CNTNAP5: variants seen among roughly 807,000 people sequenced by gnomAD.
The protein encoded by CNTNAP5 is contactin-associated protein-like 5.
Under a neutral mutation model 150.2 loss-of-function variants are expected in CNTNAP5, and 72 were observed. That is an observed-to-expected ratio of 0.48 (90% confidence interval 0.40 to 0.58). The LOEUF (loss-of-function observed/expected upper bound fraction) is 0.58. CNTNAP5 is among the 20% of genes least tolerant of loss of function. CNTNAP5 has a pLI of 0.00. For synonymous variants in CNTNAP5, 672 were observed against 619.8 expected (o/e 1.08, Z -1.25); for missense variants, 1,636 against 1,626.2 (o/e 1.01, Z -0.10).
At chr2:124,395,279 G>A (rs1159050764) in intron 3 of CNTNAP5, among the ~76,000 whole-genome samples, 3 of 152,100 alleles carry the variant, frequency 2.0e-5, no homozygotes, top group Non-Finnish European at 2.9e-5. Flanking sequence ...CAGAAAGCAT[G>A]CCTCCCAAGA....
At chr2:124,439,672 C>T (rs1692627068) in intron 5 of CNTNAP5, among the ~76,000 whole-genome samples, 1 of 152,112 alleles carries the variant, frequency 6.6e-6, no homozygotes, top group South Asian at 2.1e-4. Context: ...AATCACATTG[C>T]TTCCTGTCCG....
chr2:124,307,669 G>T (rs916805582), intron 3 of CNTNAP5, among the ~76,000 whole-genome samples: 16 of 152,168 alleles, frequency 1.1e-4, no homozygotes, highest in African/African-American at 3.4e-4. Flanking sequence ...CTTGCTTTGG[G>T]GGCTGAAATG....
chr2:124,760,156 G>A (rs1680928207), intron 14 of CNTNAP5, among the ~76,000 whole-genome samples: 1 of 151,740 alleles, frequency 6.6e-6, no homozygotes, highest in South Asian at 2.1e-4. Flanking sequence ...CAGGAGAAGG[G>A]GGTGTGGGGT....
intron 21 of CNTNAP5, among the ~76,000 whole-genome samples, chr2:124,893,974 A>G (rs1439008478): frequency 6.6e-6 from 1 of 152,118 alleles, no homozygotes; most frequent in African/African-American, 2.4e-5. Context: ...GTTAGATATA[A>G]CTCATCAAAA....
At chr2:124,705,165 C>T (rs1013156818) in intron 13 of CNTNAP5, among the ~76,000 whole-genome samples, 1 of 152,146 alleles carries the variant, frequency 6.6e-6, no homozygotes, top group Admixed American at 6.5e-5. Flanking sequence ...TGTACAAGCA[C>T]ATGTGTCTGT....
At position 124,106,829 on chromosome 2, in the gene CNTNAP5, C is replaced by T. The variant is rs1002618358; in HGVS notation, c.82+81097C>T. Among the ~76,000 whole-genome samples the T allele has an allele frequency of 5.3e-5, 8 of 152,174 alleles. No individual in the cohort carries two copies. The East Asian group carries it at 5.8e-4, about 11-fold the overall frequency. ...GGCTGGCACTTGAAGCTGGAGCCAT[C>T]GTATGGGACTGAGTCCTTAACCTGT... On this transcript the variant is annotated intron_variant, in intron 1 of 23. Transcript: ENST00000682447.
At chr2:124,511,811 G>A (rs990387084) in intron 8 of CNTNAP5, among the ~76,000 whole-genome samples, 8 of 152,102 alleles carry the variant, frequency 5.3e-5, no homozygotes, top group East Asian at 1.9e-4. Context: ...AGTAAACTTA[G>A]CCTATTTGAT....
At chr2:124,367,893 C>A (rs1025288848) in intron 3 of CNTNAP5, among the ~76,000 whole-genome samples, 8 of 151,970 alleles carry the variant, frequency 5.3e-5, no homozygotes, top group African/African-American at 1.9e-4. Flanking sequence ...TCTGAATGTA[C>A]TTGCTGTTCA....
chr2:124,607,458 C>A (rs1304847962), intron 11 of CNTNAP5, among the ~76,000 whole-genome samples: 2 of 152,094 alleles, frequency 1.3e-5, no homozygotes, highest in African/African-American at 2.4e-5. Context: ...ATAATCTAAT[C>A]TTGGAAATGG....
intron 3 of CNTNAP5, among the ~76,000 whole-genome samples, chr2:124,248,092 G>A (rs1687075746): frequency 6.6e-6 from 1 of 152,172 alleles, no homozygotes; most frequent in Admixed American, 6.6e-5. Flanking sequence ...TTATTACAAT[G>A]TCACAGACTA....
chr2:124,710,069 T>A lies in CNTNAP5; in HGVS notation c.2078-37160T>A, dbSNP rs185022459. Among the ~76,000 whole-genome samples the A allele has an allele frequency of 3.2e-4, 48 of 152,192 alleles. 1 individual carries two copies. The East Asian group carries it at 7.0e-3, about 22-fold the overall frequency. On this transcript the variant is annotated intron_variant, in intron 13 of 23. Transcript: ENST00000682447. ...CCATCTGTAGTGACTGAGTAGATGG[T>A]CATCGAAGCTGGAATTCAGAGTTTG... is the stretch of plus-strand genomic sequence containing the variant.
At chr2:124,431,555 A>G (rs1692383688) in intron 4 of CNTNAP5, among the ~76,000 whole-genome samples, 1 of 144,722 alleles carries the variant, frequency 6.9e-6, no homozygotes, top group South Asian at 2.1e-4. Context: ...AATATTATAT[A>G]TAATTTCTTT....
At chr2:124,588,209 TTTCTTTCTTTC>T (rs1696596997) in intron 11 of CNTNAP5, among the ~76,000 whole-genome samples, 1 of 148,028 alleles carries the variant, frequency 6.8e-6, no homozygotes, top group South Asian at 2.2e-4. Context: ...TCTTTCTTTC[TTTCTTTCTTTC>T]TTTCTTTCTT....
At chr2:124,026,409 T>C (rs544746269) in intron 1 of CNTNAP5, among the ~76,000 whole-genome samples, 1 of 152,338 alleles carries the variant, frequency 6.6e-6, no homozygotes, top group Admixed American at 6.5e-5. Flanking sequence ...GCACTAAGTG[T>C]ACACTCTGTC....
chr2:124,876,475 G>A (rs143149302), intron 21 of CNTNAP5, among the ~76,000 whole-genome samples: 1,832 of 151,842 alleles, frequency 0.012, 18 homozygotes, highest in Middle Eastern at 0.02. Flanking sequence ...GGAGAGAAGA[G>A]GGTGCAGTTA....
intron 13 of CNTNAP5, among the ~76,000 whole-genome samples, chr2:124,660,044 AAGGAAGG>A (rs1678552294): frequency 5.3e-5 from 2 of 37,426 alleles, no homozygotes; most frequent in Admixed American, 7.8e-4. Flanking sequence ...GGAAGGAAGA[AAGGAAGG>A]AAGGAAGGAA....
intron 1 of CNTNAP5, among the ~76,000 whole-genome samples, chr2:124,086,547 AC>A (rs1464625641): frequency 6.6e-6 from 1 of 151,066 alleles, no homozygotes; most frequent in Admixed American, 6.6e-5. Flanking sequence ...TGGTGTATTG[AC>A]CCTTTTATCA....
intron 22 of CNTNAP5, among the ~76,000 whole-genome samples, chr2:124,906,784 A>C (rs1244200337): frequency 6.6e-6 from 1 of 152,110 alleles, no homozygotes; most frequent in Admixed American, 6.6e-5. Flanking sequence ...CCAGCAATGT[A>C]TTGCCCACTC....
intron 1 of CNTNAP5, among the ~76,000 whole-genome samples, chr2:124,061,561 G>A (rs1682011520): frequency 6.6e-6 from 1 of 152,016 alleles, no homozygotes; most frequent in Non-Finnish European, 1.5e-5. Context: ...ATTCTAGTAG[G>A]TGCTTTTCTT....
Sources: allele counts gnomAD v4.1 joint callset (sites outside exome capture counted in the v4.1 genomes callset), GRCh38; gene constraint gnomAD v4.1.1; transcripts MANE v1.5; gene names NCBI Gene and HGNC (gene_info 2026-07-23, HGNC 2026-07-21).